FLOT1: variants seen among roughly 807,000 people sequenced by gnomAD.
FLOT1 encodes the protein flotillin-1.
In FLOT1, 40 loss-of-function variants were observed where a neutral mutation model predicts 58.4. The ratio of observed to expected loss-of-function variants is 0.69; its 90% CI spans 0.53 to 0.89. The LOEUF is 0.89. Ranked by LOEUF, FLOT1 falls within the 40% of genes least tolerant of loss-of-function variation. The probability of loss-of-function intolerance (pLI) is 0.00; values close to 1 mark genes in which losing one functional copy is unlikely to be tolerated. For missense variants in FLOT1, 423 were observed against 540.8 expected (o/e 0.78, Z 2.16); for synonymous variants, 178 against 204.2 (o/e 0.87, Z 1.09).
chr6:30,735,197 C>T (rs1777480880), intron 8 of FLOT1, among the ~76,000 whole-genome samples: 1 of 152,096 alleles, frequency 6.6e-6, no homozygotes, highest in Non-Finnish European at 1.5e-5. Flanking sequence ...GGTTGGCTCT[C>T]AGTATTTAGC....
chr6:30,742,511 C>A lies in FLOT1; in HGVS notation c.-15+16G>T, dbSNP rs1329357089. 5.0e-6 allele frequency: 2 copies of A among 402,804 alleles called. No homozygotes were observed. The highest frequency in any genetic ancestry group is 9.0e-6 in the Non-Finnish European group (2 of 221,732). The allele number at this position is 402,804 out of a possible 1,614,324, so 25.0% of individuals were successfully genotyped here. ...TTCTCGGCAGCCCCAGGCTCCATCT[C>A]CCCTCCCCCACTCACCTTCCGGGAC... On this transcript the variant is annotated intron_variant, in intron 1 of 12. Transcript: ENST00000376389. This position sits in a 1 kb window ranked among gnomAD's most constrained non-coding sequence, Gnocchi z 5.2.
At position 30,741,676 on chromosome 6, in the gene FLOT1, C is replaced by T; in HGVS notation, c.148G>A (p.Val50Ile). 3 of 1,612,856 alleles carry T rather than the reference C, an allele frequency of 1.9e-6. No individual in the cohort carries two copies. The highest frequency in any genetic ancestry group is 2.5e-6 in the Non-Finnish European group (3 of 1,179,974). Reference sequence around the variant, plus strand: ...CGAGTGTAAACCTTTTCACTCTTGACATTGAGGGTCAGTGTGTTGAGAGAG... The same window carrying T: ...CGAGTGTAAACCTTTTCACTCTTGATATTGAGGGTCAGTGTGTTGAGAGAG... ...RISLNTLTLNVKSEKVYTRHG... is the reference protein window; with the variant it reads ...RISLNTLTLNIKSEKVYTRHG... Residue 50 changes from valine to isoleucine, a missense_variant, in exon 4 of 13, where the codon GTC becomes ATC. Physicochemically the swap from Val to Ile is conservative, Grantham distance 29 (BLOSUM62 3). This residue lies in a region of FLOT1 where 91 missense variants were observed against 118.3 expected (regional missense o/e 0.77). Transcript: ENST00000376389. The surrounding 1 kb of genome is among the most constrained non-coding windows in gnomAD (Gnocchi z 5.9).
chr6:30,737,969 A>G lies in FLOT1; in HGVS notation c.723+2189T>C, dbSNP rs1006464898. Among the ~76,000 whole-genome samples the G allele has an allele frequency of 6.6e-6, 1 of 152,262 alleles. No homozygotes were observed. The highest frequency in any genetic ancestry group is 1.5e-5 in the Non-Finnish European group (1 of 68,044). ...GAACACCTAGCACACTGCCTGGTGCATAACGAGAAACTGATAAAAGTTGAA... is the reference window on the plus strand; with the variant it reads ...GAACACCTAGCACACTGCCTGGTGCGTAACGAGAAACTGATAAAAGTTGAA... On this transcript the variant is annotated intron_variant, in intron 8 of 12. Coordinates refer to ENST00000376389, the MANE Select transcript of FLOT1 (RefSeq NM_005803.4). This position sits in a 1 kb window ranked among gnomAD's most constrained non-coding sequence, Gnocchi z 4.4.
chr6:30,741,849 G>C lies in FLOT1; in HGVS notation c.62C>G (p.Pro21Arg), dbSNP rs1778011949. ...GACACGCCCTCCAGCCACCATGACT[G>C]GGGGGCTTCGGCAGAACCCTGCAAG... is the stretch of plus-strand genomic sequence containing the variant. ...MVVSGFCRSP[P>R]VMVAGGRVFV... The change falls in exon 3 of 13, where the codon CCA becomes CGA. Residue 21 changes from proline (P) to arginine (R), a missense_variant. Pro to Arg is a moderately radical substitution (Grantham distance 103). This residue lies in a region of FLOT1 where 91 missense variants were observed against 118.3 expected (regional missense o/e 0.77). Coordinates refer to ENST00000376389, the MANE Select transcript of FLOT1 (RefSeq NM_005803.4). This position sits in a 1 kb window ranked among gnomAD's most constrained non-coding sequence, Gnocchi z 5.9. The C allele has an allele frequency of 6.2e-7, 1 of 1,612,494 alleles. No individual in the cohort carries two copies. The highest frequency in any genetic ancestry group is 8.5e-7 in the Non-Finnish European group (1 of 1,179,934).
At chr6:30,735,020 C>T (rs997951462) in intron 8 of FLOT1, among the ~76,000 whole-genome samples, 10 of 152,180 alleles carry the variant, frequency 6.6e-5, no homozygotes, top group African/African-American at 2.4e-4. Flanking sequence ...TGACTTTGAG[C>T]TTCACCCTAC....
Position 30,740,580 on chromosome 6 carries a change from G to C in FLOT1, c.486C>G (p.His162Gln), listed in dbSNP as rs987974020. ...KDIHDDQDYL[H>Q]SLGKARTAQV... ...GAGCTGTTCGAGCCTTCCCCAAAGA[G>C]TGCAAATAGTCCTGTGGGAGAGATG... Residue 162 changes from histidine (H) to glutamine (Q), a missense_variant, in exon 7 of 13, where the codon CAC becomes CAG. Coordinates refer to ENST00000376389, the MANE Select transcript of FLOT1 (RefSeq NM_005803.4). 2 of 1,613,026 alleles carry C rather than the reference G, an allele frequency of 1.2e-6. No homozygotes were observed. The highest frequency in any genetic ancestry group is 2.7e-5 in the African/African-American group (2 of 75,026).
At position 30,741,510 on chromosome 6, in the gene FLOT1, C is replaced by G. The variant is rs1294819112; in HGVS notation, c.210+104G>C. Reference sequence around the variant, plus strand: ...AGATGAGACTAGCAGAGGAACTTCTCTGCAGGCAAGGGTTGAGAAGACTGT... The same window carrying G: ...AGATGAGACTAGCAGAGGAACTTCTGTGCAGGCAAGGGTTGAGAAGACTGT... On this transcript the variant is annotated intron_variant, in intron 4 of 12. Transcript: ENST00000376389. The surrounding 1 kb of genome is among the most constrained non-coding windows in gnomAD (Gnocchi z 5.9). 1.6e-6 allele frequency: 2 copies of G among 1,267,460 alleles called. No homozygotes were observed. The highest frequency in any genetic ancestry group is 2.3e-6 in the Non-Finnish European group (2 of 877,092). 78.5% of individuals were successfully genotyped at this position (1,267,460 alleles called of 1,614,324 possible).
chr6:30,740,105 C>T (rs1777858563), intron 8 of FLOT1, 53 bp downstream of exon 8: 1 of 1,556,574 alleles, frequency 6.4e-7, no homozygotes, highest in African/African-American at 1.4e-5. Context: ...CTGAGATGGA[C>T]AGCCTGAGAG....
chr6:30,741,734 G>C lies in FLOT1; in HGVS notation c.120-30C>G. 1 of 1,609,826 alleles carries C rather than the reference G, an allele frequency of 6.2e-7. No homozygotes were observed. Among genetic ancestry groups the C allele is most frequent in the African/African-American group, 1.3e-5 (1 of 74,974 alleles). On this transcript the variant is annotated intron_variant, in intron 3 of 12. Transcript: ENST00000376389. This position sits in a 1 kb window ranked among gnomAD's most constrained non-coding sequence, Gnocchi z 5.9. Reference sequence around the variant, plus strand: ...GGGAAAAAGAAGGGACAGACAGTAAGAAGAGGAGGAAAAAGAGAAAACGGA... The same window carrying C: ...GGGAAAAAGAAGGGACAGACAGTAACAAGAGGAGGAAAAAGAGAAAACGGA...
chr6:30,730,958 G>A lies in FLOT1; in HGVS notation c.866C>T (p.Ala289Val), dbSNP rs1329779334. 3.1e-6 allele frequency: 5 copies of A among 1,613,852 alleles called. No homozygotes were observed. Among genetic ancestry groups the A allele is most frequent in the Non-Finnish European group, 2.5e-6 (3 of 1,179,932 alleles). ...TAGGCGCTCCAGCTTGTAGCGCTCC[G>A]CTTCCGCTGGCTTCCGCACCCGGGC... Reference protein sequence around the residue: ...LEARVRKPAEAERYKLERLAE... With the variant: ...LEARVRKPAEVERYKLERLAE... Residue 289 changes from alanine (A) to valine (V), a missense_variant, in exon 9 of 13, where the codon GCG (alanine) becomes GTG (valine). By Grantham distance (64) the Ala-to-Val change is moderately conservative. This residue lies in a region of FLOT1 where 106 missense variants were observed against 88.4 expected (regional missense o/e 1.20). Transcript: ENST00000376389.
chr6:30,741,663 T>C lies in FLOT1; in HGVS notation c.161A>G (p.Lys54Arg), dbSNP rs758833111. 6.2e-7 allele frequency: 1 copy of C among 1,612,758 alleles called. No homozygotes were observed. Among genetic ancestry groups the C allele is most frequent in the Non-Finnish European group, 8.5e-7 (1 of 1,179,924 alleles). Residue 54 changes from lysine (K) to arginine (R), a missense_variant, in exon 4 of 13, where the codon AAG becomes AGG. Physicochemically the swap from Lys to Arg is conservative, Grantham distance 26 (BLOSUM62 2). Around this residue, in one of 6 missense-constraint regions of FLOT1, gnomAD observed 91 missense variants for 118.3 expected, o/e 0.77. Transcript: ENST00000376389. The surrounding 1 kb of genome is among the most constrained non-coding windows in gnomAD (Gnocchi z 5.9). ...GGGGACCCCATGGCGAGTGTAAACCTTTTCACTCTTGACATTGAGGGTCAG... is the reference window on the plus strand; with the variant it reads ...GGGGACCCCATGGCGAGTGTAAACCCTTTCACTCTTGACATTGAGGGTCAG... The part of the protein sequence containing the change: ...NTLTLNVKSE[K>R]VYTRHGVPIS...
rs1435283882 is a variant in FLOT1 at position 30,741,512 on chromosome 6, G to GCAGGCAAGGGTTGA, written c.210+88_210+101dup. On this transcript the variant is annotated intron_variant, in intron 4 of 12. Coordinates refer to ENST00000376389, the MANE Select transcript of FLOT1 (RefSeq NM_005803.4). This position sits in a 1 kb window ranked among gnomAD's most constrained non-coding sequence, Gnocchi z 5.9. ...ATGAGACTAGCAGAGGAACTTCTCT[G>GCAGGCAAGGGTTGA]CAGGCAAGGGTTGAGAAGACTGTGG... is the stretch of plus-strand genomic sequence containing the variant. 6 of 1,260,104 alleles carry GCAGGCAAGGGTTGA rather than the reference G, an allele frequency of 4.8e-6. No homozygotes were observed. Among genetic ancestry groups the GCAGGCAAGGGTTGA allele is most frequent in the Non-Finnish European group, 6.9e-6 (6 of 869,580 alleles). 78.1% of individuals were successfully genotyped at this position (1,260,104 alleles called of 1,614,324 possible).
At position 30,737,254 on chromosome 6, in the gene FLOT1, G is replaced by GTCCATCCATCCATCCATCCA. The variant is rs1207078482; in HGVS notation, c.723+2903_723+2904insTGGATGGATGGATGGATGGA. Among the ~76,000 whole-genome samples the GTCCATCCATCCATCCATCCA allele has an allele frequency of 9.1e-5, 13 of 143,232 alleles. No individual in the cohort carries two copies. Among genetic ancestry groups the GTCCATCCATCCATCCATCCA allele is most frequent in the African/African-American group, 3.0e-4 (12 of 39,972 alleles). The allele number at this position is 143,232 out of a possible 152,430, so 94.0% of individuals were successfully genotyped here. ...CGTCCGTCCGTCCGTCCGTCCATCC[G>GTCCATCCATCCATCCATCCA]TCCATCCATCCATCCATATATCTAT... is the stretch of plus-strand genomic sequence containing the variant. On this transcript the variant is annotated intron_variant, in intron 8 of 12. Transcript: ENST00000376389. The surrounding 1 kb of genome is among the most constrained non-coding windows in gnomAD (Gnocchi z 4.4).
At chr6:30,729,232 G>A (rs185032066) in intron 12 of FLOT1, among the ~76,000 whole-genome samples, 11,133 of 151,700 alleles carry the variant, frequency 0.073, 646 homozygotes, top group African/African-American at 0.16. Flanking sequence ...GCACCACCAA[G>A]CCTGGCTAAT....
Position 30,741,851 on chromosome 6 carries a change from G to C in FLOT1, c.60C>G (p.Pro20=). 6.2e-7 allele frequency: 1 copy of C among 1,612,662 alleles called. No individual in the cohort carries two copies. Among genetic ancestry groups the C allele is most frequent in the African/African-American group, 1.3e-5 (1 of 75,030 alleles). The change falls in exon 3 of 13, where the codon CCC becomes CCG. Residue 20 remains proline, a synonymous_variant. Coordinates refer to ENST00000376389, the MANE Select transcript of FLOT1 (RefSeq NM_005803.4). This position sits in a 1 kb window ranked among gnomAD's most constrained non-coding sequence, Gnocchi z 5.9. ...CACGCCCTCCAGCCACCATGACTGGGGGGCTTCGGCAGAACCCTGCAAGGT... is the reference window on the plus strand; with the variant it reads ...CACGCCCTCCAGCCACCATGACTGGCGGGCTTCGGCAGAACCCTGCAAGGT... ...AMVVSGFCRS[P]PVMVAGGRVF...
intron 8 of FLOT1, among the ~76,000 whole-genome samples, chr6:30,739,593 C>T (rs539271340): frequency 2.0e-5 from 3 of 152,302 alleles, no homozygotes; most frequent in African/African-American, 7.2e-5. Flanking sequence ...TAGTCTCGAA[C>T]TCTTGACCTT....
rs776984376 is a variant in FLOT1 at position 30,740,329 on chromosome 6, G to C, written c.571-19C>G. On this transcript the variant is annotated intron_variant, in intron 7 of 12. Transcript: ENST00000376389. The stretch of plus-strand genomic sequence containing the variant: ...TAGCTTCCTGTCCAAGCAGAGATCA[G>C]GTAGGAAATGTCAGGGCAGGGGGAG... 1.9e-6 allele frequency: 3 copies of C among 1,612,814 alleles called. No homozygotes were observed. Among genetic ancestry groups the C allele is most frequent in the Non-Finnish European group, 2.5e-6 (3 of 1,179,868 alleles).
At chr6:30,734,169 G>A (rs1777406044) in intron 8 of FLOT1, among the ~76,000 whole-genome samples, 1 of 151,086 alleles carries the variant, frequency 6.6e-6, no homozygotes, top group African/African-American at 2.4e-5. Flanking sequence ...GTTTCACAGT[G>A]TTATGTTTCA....
intron 8 of FLOT1, among the ~76,000 whole-genome samples, chr6:30,734,991 G>T (rs1777462917): frequency 6.6e-6 from 1 of 152,208 alleles, no homozygotes; most frequent in Non-Finnish European, 1.5e-5. Flanking sequence ...GAAGCTCTGA[G>T]TATGTGGGTG....
Sources: allele counts gnomAD v4.1 joint callset (sites outside exome capture counted in the v4.1 genomes callset), GRCh38; gene constraint gnomAD v4.1.1; regional missense constraint gnomAD v4.1.1; non-coding constraint Gnocchi (gnomAD v3.1); transcripts MANE v1.5; gene names NCBI Gene and HGNC (gene_info 2026-07-23, HGNC 2026-07-21).